PXK: variants seen among roughly 807,000 people sequenced by gnomAD.
PXK encodes the protein PX domain-containing protein kinase-like protein.
In PXK, 35 loss-of-function variants were observed where a neutral mutation model predicts 84.7. That is an observed-to-expected ratio of 0.41 (90% CI 0.32 to 0.55). The LOEUF (loss-of-function observed/expected upper bound fraction) is 0.55. PXK is among the 20% of genes least tolerant of loss of function. The probability of loss-of-function intolerance (pLI) is 0.21; values close to 1 mark genes in which losing one functional copy is unlikely to be tolerated. For synonymous variants in PXK, 253 were observed against 260.8 expected (o/e 0.97, Z 0.29); for missense variants, 634 against 699.7 (o/e 0.91, Z 1.06).
chr3:58,397,534 T>A lies in PXK; in HGVS notation c.985-71T>A. On this transcript the variant is annotated intron_variant, in intron 10 of 17. Coordinates refer to ENST00000356151, the MANE Select transcript of PXK (RefSeq NM_017771.5). The surrounding 1 kb of genome is among the most constrained non-coding windows in gnomAD (Gnocchi z 4.7). The stretch of plus-strand genomic sequence containing the variant: ...CTGGGCTTTGTTTCTCAGAGAAGCC[T>A]TGGGGCAGGAGCGCGAGGGTCCACA... The A allele has an allele frequency of 7.7e-7, 1 of 1,294,872 alleles. No individual in the cohort carries two copies. Among genetic ancestry groups the A allele is most frequent in the Non-Finnish European group, 1.1e-6 (1 of 891,422 alleles). The allele number at this position is 1,294,872 out of a possible 1,614,324, so 80.2% of individuals were successfully genotyped here. A position where few individuals can be genotyped will look rare whatever the true frequency, so the allele number is the denominator to read the frequency against.
rs1343199444 is a variant in PXK, at chr3:58,397,546, C to T, written c.985-59C>T. On this transcript the variant is annotated intron_variant, in intron 10 of 17. Transcript: ENST00000356151. The surrounding 1 kb of genome is among the most constrained non-coding windows in gnomAD (Gnocchi z 4.7). ...TCTCAGAGAAGCCTTGGGGCAGGAG[C>T]GCGAGGGTCCACAAAGCCAAAGTGA... 8.0e-6 allele frequency: 11 copies of T among 1,377,592 alleles called. No homozygotes were observed. Among genetic ancestry groups the T allele is most frequent in the Admixed American group, 6.7e-5 (4 of 59,524 alleles). 85.3% of individuals were successfully genotyped at this position (1,377,592 alleles called of 1,614,324 possible).
intron 1 of PXK, among the ~76,000 whole-genome samples, chr3:58,353,129 T>C (rs1283942807): frequency 6.6e-6 from 1 of 152,028 alleles, no homozygotes; most frequent in Non-Finnish European, 1.5e-5. Context: ...CCCGAATAGC[T>C]GGGACTACAG....
chr3:58,354,714 C>T (rs1361604521), intron 1 of PXK, among the ~76,000 whole-genome samples: 1 of 152,002 alleles, frequency 6.6e-6, no homozygotes, highest in African/African-American at 2.4e-5. Flanking sequence ...TCCCAAAGTG[C>T]TGGGATTACA....
chr3:58,423,677 G>A (rs1257120176), intron 17 of PXK, among the ~76,000 whole-genome samples: 1 of 152,138 alleles, frequency 6.6e-6, no homozygotes, highest in Non-Finnish European at 1.5e-5. Context: ...CTGGCAGAAT[G>A]TCTCCCTGGA....
At position 58,410,111 on chromosome 3, in the gene PXK, G is replaced by A; in HGVS notation, c.1417G>A (p.Glu473Lys). 6.2e-7 allele frequency: 1 copy of A among 1,600,324 alleles called. No homozygotes were observed. The highest frequency in any genetic ancestry group is 8.6e-7 in the Non-Finnish European group (1 of 1,167,612). ...ARKKSKRSAL[E>K]NSEEHSAKYS... Reference sequence around the variant, plus strand: ...AAAGAAGTCAAAACGATCTGCTCTTGAAAATAGTGAAGAGCATTCAGCGAA... The same window carrying A: ...AAAGAAGTCAAAACGATCTGCTCTTAAAAATAGTGAAGAGCATTCAGCGAA... The change falls in exon 16 of 18, where the codon GAA becomes AAA. Residue 473 changes from glutamate to lysine, a missense_variant. Glu to Lys is a moderately conservative substitution (Grantham distance 56). This residue lies in a region of PXK where 273 missense variants were observed against 283.6 expected (regional missense o/e 0.96). Transcript: ENST00000356151.
At chr3:58,420,648 T>C (rs2061690231) in intron 17 of PXK, 39 of 1,531,320 alleles carry the variant, frequency 2.5e-5, no homozygotes, top group South Asian at 1.1e-4. Flanking sequence ...AGTGTCTCGA[T>C]TGCTGAAGTG....
chr3:58,373,783 C>T (rs558993129), intron 3 of PXK, among the ~76,000 whole-genome samples: 11 of 152,218 alleles, frequency 7.2e-5, no homozygotes, highest in African/African-American at 2.2e-4. Context: ...TGGTGGCTCA[C>T]GCCTGTAATC....
rs368221365 is a variant in PXK, at chr3:58,412,377, A to C, written c.1466-524A>C. Among the ~76,000 whole-genome samples the C allele has an allele frequency of 6.6e-6, 1 of 152,170 alleles. No individual in the cohort carries two copies. Among genetic ancestry groups the C allele is most frequent in the Admixed American group, 6.5e-5 (1 of 15,268 alleles). The stretch of plus-strand genomic sequence containing the variant: ...GGACATTTACTTATTCTAGATAAGA[A>C]AAGGGCTGTGAAATCCATAAACTGA... On this transcript the variant is annotated intron_variant, in intron 16 of 17. Coordinates refer to ENST00000356151, the MANE Select transcript of PXK (RefSeq NM_017771.5). The surrounding 1 kb of genome is among the most constrained non-coding windows in gnomAD (Gnocchi z 6.2).
At chr3:58,391,502 C>T (rs11923265) in intron 6 of PXK, among the ~76,000 whole-genome samples, 849 of 30,774 alleles carry the variant, frequency 0.028, 4 homozygotes, top group African/African-American at 0.073. Context: ...GAGTTTACTT[C>T]CCAAAAAAAA....
intron 3 of PXK, among the ~76,000 whole-genome samples, chr3:58,369,843 A>G (rs1030609386): frequency 7.1e-5 from 9 of 126,622 alleles, no homozygotes; most frequent in African/African-American, 2.4e-4. Flanking sequence ...AAAAAAAAAC[A>G]AAACTGGTTG....
At chr3:58,365,362 G>C (rs576115226) in intron 1 of PXK, among the ~76,000 whole-genome samples, 178 of 152,138 alleles carry the variant, frequency 1.2e-3, no homozygotes, top group African/African-American at 4.0e-3. Context: ...GTATGATTTT[G>C]GTTCTTTTAA....
At chr3:58,391,671 G>C (rs2098632885) in intron 6 of PXK, 102 bp from the exon 7 acceptor site, 1 of 1,078,874 alleles carries the variant, frequency 9.3e-7, no homozygotes, top group Non-Finnish European at 1.4e-6. Flanking sequence ...TTTCGTCTTT[G>C]GTTTCCAGTC....
chr3:58,369,826 A>G (rs75571512), intron 3 of PXK, among the ~76,000 whole-genome samples: 2 of 148,728 alleles, frequency 1.3e-5, no homozygotes, highest in Non-Finnish European at 3.0e-5. Context: ...CTCTGTCTCA[A>G]AAAAAAAAAA....
In PXK at chr3:58,370,135, T is replaced by C. The variant is rs138569357; in HGVS notation, c.201+657T>C. 7.7e-4 allele frequency among the ~76,000 whole-genome samples: 117 copies of C among 152,356 alleles called. 1 individual carries two copies. In the South Asian group the frequency reaches 0.016, roughly 21 times the overall value. On this transcript the variant is annotated intron_variant, in intron 3 of 17. Transcript: ENST00000356151. This position sits in a 1 kb window ranked among gnomAD's most constrained non-coding sequence, Gnocchi z 4.2. ...AGGTGGAGCTGGGACTCTGAATCTC[T>C]TCATTGAACTAGGCTACATATCAGC...
At chr3:58,422,885 T>C (rs1045473149) in intron 17 of PXK, 1 of 985,288 alleles carries the variant, frequency 1.0e-6, no homozygotes, top group Non-Finnish European at 1.2e-6. Flanking sequence ...GCACAGTGAT[T>C]CTTCTGCCGG....
In PXK at chr3:58,390,482, G is replaced by T; in HGVS notation, c.389-100G>T. ...TTTTGGTAATTAAGTTTTTTAAAAA[G>T]GTCATAGACTATAGGGATTTCATTT... On this transcript the variant is annotated intron_variant, in intron 4 of 17. Transcript: ENST00000356151. This position sits in a 1 kb window ranked among gnomAD's most constrained non-coding sequence, Gnocchi z 4.2. The T allele has an allele frequency of 4.4e-6, 3 of 689,138 alleles. No homozygotes were observed. The highest frequency in any genetic ancestry group is 4.4e-6 in the Non-Finnish European group (2 of 454,658). 42.7% of individuals were successfully genotyped at this position (689,138 alleles called of 1,614,324 possible). A position where few individuals can be genotyped will look rare whatever the true frequency, so the allele number is the denominator to read the frequency against.
chr3:58,378,760 T>C (rs1347763669), intron 3 of PXK, among the ~76,000 whole-genome samples: 1 of 151,918 alleles, frequency 6.6e-6, no homozygotes, highest in Non-Finnish European at 1.5e-5. Context: ...AATCTCAAAC[T>C]CCCGACTTCA....
Position 58,407,079 on chromosome 3 carries a change from G to A in PXK, c.1231-1845G>A, listed in dbSNP as rs2059514370. Among the ~76,000 whole-genome samples the A allele has an allele frequency of 6.6e-6, 1 of 152,142 alleles. No individual in the cohort carries two copies. Among genetic ancestry groups the A allele is most frequent in the South Asian group, 2.1e-4 (1 of 4,822 alleles). ...TTTGATTCTTTTGGATGTATACCCA[G>A]AAGTGGAATTCCTCATATGGTAGTT... On this transcript the variant is annotated intron_variant, in intron 13 of 17. Transcript: ENST00000356151. The surrounding 1 kb of genome is among the most constrained non-coding windows in gnomAD (Gnocchi z 4.3).
At chr3:58,423,753 C>A (rs1001431950) in intron 17 of PXK, among the ~76,000 whole-genome samples, 5 of 152,142 alleles carry the variant, frequency 3.3e-5, no homozygotes, top group Admixed American at 3.3e-4. Context: ...TCACAGGAGA[C>A]GAGGCAACTA....
Sources: gnomAD v4.1 joint callset for allele counts (sites outside exome capture counted in the v4.1 genomes callset) on GRCh38, gnomAD v4.1.1 for gene constraint, gnomAD v4.1.1 regional missense constraint, Gnocchi (gnomAD v3.1) non-coding constraint, MANE v1.5 for transcripts, NCBI Gene and HGNC (gene_info 2026-07-23, HGNC 2026-07-21) for gene names.